MAPKBP1: variants seen among roughly 807,000 people sequenced by gnomAD.
MAPKBP1 encodes mitogen-activated protein kinase binding protein 1.
MAPKBP1 carries 71 observed loss-of-function variants against 170.5 expected under a neutral mutation model. The ratio of observed to expected loss-of-function variants is 0.42; its 90% confidence interval spans 0.34 to 0.51. The LOEUF is 0.51. Ranked by LOEUF, MAPKBP1 falls within the 20% of genes least tolerant of loss-of-function variation. The pLI, the probability that MAPKBP1 is intolerant of heterozygous loss-of-function variation, is 0.06. For synonymous variants in MAPKBP1, 719 were observed against 757.9 expected (o/e 0.95, Z 0.84); for missense variants, 1,598 against 1,933.0 (o/e 0.83, Z 3.25).
chr15:41,807,298 G>A (rs1483385540), intron 3 of MAPKBP1, among the ~76,000 whole-genome samples: 2 of 152,200 alleles, frequency 1.3e-5, no homozygotes, highest in Non-Finnish European at 2.9e-5. Context: ...AGAGGATATT[G>A]TGTCCCAGGA....
intron 6 of MAPKBP1, among the ~76,000 whole-genome samples, 160 bp downstream of exon 6, chr15:41,812,287 A>C (rs1357812039): frequency 6.6e-6 from 1 of 152,196 alleles, no homozygotes. Context: ...GTGGCCAAGC[A>C]TGTTGGTTGA....
chr15:41,801,140 A>G (rs888649360), intron 3 of MAPKBP1, among the ~76,000 whole-genome samples: 9 of 152,194 alleles, frequency 5.9e-5, no homozygotes, highest in African/African-American at 2.2e-4. Flanking sequence ...CATTTTATCT[A>G]TTCTTCAGTT....
At position 41,827,479 on chromosome 15, in the gene MAPKBP1, C is replaced by T. The variant is rs750890940; in HGVS notation, c.*2043C>T. On this transcript the variant is annotated 3_prime_UTR_variant, in exon 31 of 31. Transcript: ENST00000457542. ...GCCTGCTGTGCCCCGACTTCCCACA[C>T]CAGCCGCGCCCACCGCAGGTGGGAC... The T allele has an allele frequency of 6.6e-6, 1 of 152,158 alleles. No homozygotes were observed. The allele number at this position is 152,158 out of a possible 1,614,324, so 9.4% of individuals were successfully genotyped here.
chr15:41,792,137 AC>A (rs1201438490), intron 2 of MAPKBP1, among the ~76,000 whole-genome samples: 1 of 150,330 alleles, frequency 6.7e-6, no homozygotes, highest in Non-Finnish European at 1.5e-5. Flanking sequence ...TCTTGCCTCT[AC>A]GCCACCTGTT....
At chr15:41,796,884 A>G (rs1832756836) in intron 2 of MAPKBP1, among the ~76,000 whole-genome samples, 1 of 152,204 alleles carries the variant, frequency 6.6e-6, no homozygotes, top group South Asian at 2.1e-4. Flanking sequence ...GAAATCAGTA[A>G]AGTGGGCCAT....
At chr15:41,820,648 T>C (rs2064979379) in intron 22 of MAPKBP1, among the ~76,000 whole-genome samples, 184 bp from the exon 23 acceptor site, 1 of 152,218 alleles carries the variant, frequency 6.6e-6, no homozygotes, top group Non-Finnish European at 1.5e-5. Context: ...TTAAGCCCCC[T>C]GTGCTTCAGT....
intron 3 of MAPKBP1, among the ~76,000 whole-genome samples, chr15:41,801,664 A>T (rs958967058): frequency 2.0e-5 from 3 of 152,160 alleles, no homozygotes; most frequent in African/African-American, 7.2e-5. Flanking sequence ...CCTGGCCAAC[A>T]TGTTGAAACC....
chr15:41,800,955 G>T (rs1250300940), intron 3 of MAPKBP1, among the ~76,000 whole-genome samples: 1 of 151,594 alleles, frequency 6.6e-6, no homozygotes, highest in East Asian at 1.9e-4. Context: ...GGCTAGTTTC[G>T]AACTCCTGGG....
chr15:41,782,148 G>C (rs961336164), intron 2 of MAPKBP1, among the ~76,000 whole-genome samples: 8 of 149,466 alleles, frequency 5.4e-5, no homozygotes, highest in African/African-American at 2.0e-4. Flanking sequence ...TGTAGGCCCA[G>C]CTACTCGCGA....
chr15:41,811,601 C>A lies in MAPKBP1; in HGVS notation c.328-356C>A, dbSNP rs1044470738. ...ACCCCCGGGGGCCCCCTGCTGGGCT[C>A]AGGAGGAACGCTTCTGTCCTGGCGG... On this transcript the variant is annotated intron_variant, in intron 5 of 30. Coordinates refer to ENST00000457542, the MANE Select transcript of MAPKBP1 (RefSeq NM_014994.3). 8.2e-6 allele frequency: 5 copies of A among 613,202 alleles called. No individual in the cohort carries two copies. In the East Asian group the frequency reaches 1.8e-4, roughly 22 times the overall value. The allele number at this position is 613,202 out of a possible 1,614,324, so 38.0% of individuals were successfully genotyped here.
In MAPKBP1 at chr15:41,823,228, A is replaced by G. The variant is rs1197688; in HGVS notation, c.3598+6A>G. 1,341,639 of 1,610,962 alleles carry G rather than the reference A, an allele frequency of 0.83. 566,036 individuals are homozygous for G. Among genetic ancestry groups the G allele is most frequent in the African/African-American group, 0.93 (70,028 of 74,994 alleles). The stretch of plus-strand genomic sequence containing the variant: ...GCACAGTCTGGTGCCACAGGGTGAG[A>G]AGCCTGATGGGTTCAGTGCCAGGGT... On this transcript the variant is annotated splice_donor_region_variant and intron_variant, in intron 28 of 30. Transcript: ENST00000457542.
At chr15:41,807,963 C>T (rs537833482) in intron 3 of MAPKBP1, among the ~76,000 whole-genome samples, 75 of 150,538 alleles carry the variant, frequency 5.0e-4, no homozygotes, top group Admixed American at 8.6e-4. Flanking sequence ...TGCTTGAACG[C>T]GGGAGGTGGA....
chr15:41,819,777 C>A, intron 22 of MAPKBP1, 127 bp downstream of exon 22: 2 of 950,298 alleles, frequency 2.1e-6, no homozygotes, highest in Admixed American at 2.6e-5. Flanking sequence ...ACTCGTGTGT[C>A]CAAGGAAGGC....
intron 1 of MAPKBP1, 69 bp downstream of exon 1, chr15:41,774,679 T>A: frequency 2.5e-6 from 1 of 398,588 alleles, no homozygotes; most frequent in Non-Finnish European, 4.4e-6. Flanking sequence ...AAGATAAAGG[T>A]CCAGAGCCGC....
Position 41,823,786 on chromosome 15 carries a change from G to T in MAPKBP1, c.3938G>T (p.Gly1313Val). 1 of 1,614,086 alleles carries T rather than the reference G, an allele frequency of 6.2e-7. No homozygotes were observed. The highest frequency in any genetic ancestry group is 8.5e-7 in the Non-Finnish European group (1 of 1,180,016). ...TLAAFSPVTKGRAPGEAEKPG... is the reference protein window; with the variant it reads ...TLAAFSPVTKVRAPGEAEKPG... ...GCTGCATTCTCTCCTGTCACCAAAGGCCGGGCCCCTGGCGAGGCAGAAAAG... is the reference window on the plus strand; with the variant it reads ...GCTGCATTCTCTCCTGTCACCAAAGTCCGGGCCCCTGGCGAGGCAGAAAAG... Residue 1313 changes from glycine (G) to valine (V), a missense_variant, in exon 29 of 31, where the codon GGC (glycine) becomes GTC (valine). Around this residue, in one of 6 missense-constraint regions of MAPKBP1, gnomAD observed 942 missense variants for 953.2 expected, o/e 0.99. Coordinates refer to ENST00000457542, the MANE Select transcript of MAPKBP1 (RefSeq NM_014994.3).
At chr15:41,798,748 C>T (rs1301536622) in intron 2 of MAPKBP1, among the ~76,000 whole-genome samples, 1 of 152,200 alleles carries the variant, frequency 6.6e-6, no homozygotes, top group Non-Finnish European at 1.5e-5. Flanking sequence ...GTTTACATTG[C>T]CCTCTTAGGG....
At position 41,823,941 on chromosome 15, in the gene MAPKBP1, C is replaced by T. The variant is rs756984981; in HGVS notation, c.4093C>T (p.Gln1365Ter). 1 of 1,614,156 alleles carries T rather than the reference C, an allele frequency of 6.2e-7. No individual in the cohort carries two copies. Among genetic ancestry groups the T allele is most frequent in the African/African-American group, 1.3e-5 (1 of 75,048 alleles). Residue 1365 changes from glutamine to a stop codon, truncating the protein, a stop_gained, in exon 29 of 31, where the codon CAG (glutamine) becomes TAG (stop). Coordinates refer to ENST00000457542, the MANE Select transcript of MAPKBP1 (RefSeq NM_014994.3). LOFTEE classifies it high-confidence loss of function. ...AHPGPSSPCAQQLPVSSLFQG... is the reference protein window; with the variant it reads ...AHPGPSSPCA ...TCCTGGGCCCAGCAGCCCCTGTGCC[C>T]AGCAACTGCCAGTCAGCAGCCTCTT...
Position 41,820,855 on chromosome 15 carries a change from G to T in MAPKBP1, c.2505G>T (p.Leu835=). 6.2e-7 allele frequency: 1 copy of T among 1,613,924 alleles called. No individual in the cohort carries two copies. Among genetic ancestry groups the T allele is most frequent in the South Asian group, 1.1e-5 (1 of 91,020 alleles). The change falls in exon 23 of 31, where the codon CTG becomes CTT. Residue 835 remains leucine, a synonymous_variant. Transcript: ENST00000457542. ...MSRAQESVGF[L]DPAPAANPGP... is the part of the protein sequence containing the mutation. ...AGGCACAGGAGTCCGTGGGGTTCCT[G>T]GACCCAGCTCCTGCAGCCAACCCAG...
intron 2 of MAPKBP1, among the ~76,000 whole-genome samples, chr15:41,788,974 GA>G (rs2064347032): frequency 2.0e-5 from 3 of 152,322 alleles, no homozygotes; most frequent in Admixed American, 2.0e-4. Flanking sequence ...GGCATGAAGT[GA>G]GCATTTTGTA....
Sources: gnomAD v4.1 joint callset for allele counts (sites outside exome capture counted in the v4.1 genomes callset) on GRCh38, gnomAD v4.1.1 for gene constraint, gnomAD v4.1.1 regional missense constraint, MANE v1.5 for transcripts, NCBI Gene and HGNC (gene_info 2026-07-23, HGNC 2026-07-21) for gene names.